Variants in MKNK1 observed in about 807,000 individuals in gnomAD.
MKNK1 encodes the protein MAPK interacting serine/threonine kinase 1, also known as MAP kinase-interacting serine/threonine-protein kinase 1.
In MKNK1, 30 loss-of-function variants were observed where a neutral mutation model predicts 49.3. That is an observed-to-expected ratio of 0.61 (90% CI 0.46 to 0.83). The LOEUF (loss-of-function observed/expected upper bound fraction) is 0.83. Among genes scored for constraint, MKNK1 ranks in the 40% least tolerant of loss-of-function variants. MKNK1 has a pLI of 0.00. For missense variants in MKNK1, 423 were observed against 524.7 expected (o/e 0.81, Z 1.89); for synonymous variants, 176 against 201.7 (o/e 0.87, Z 1.08).
chr1:46,573,193 C>T (rs142438870), intron 6 of MKNK1, among the ~76,000 whole-genome samples: 75 of 152,328 alleles, frequency 4.9e-4, no homozygotes, highest in African/African-American at 1.7e-3. Flanking sequence ...AGGACTTAGG[C>T]CCAGGGCGTC....
intron 7 of MKNK1, among the ~76,000 whole-genome samples, chr1:46,571,831 G>A (rs945874629): frequency 1.3e-5 from 2 of 152,136 alleles, no homozygotes; most frequent in African/African-American, 4.8e-5. Flanking sequence ...TCTTTCTCCT[G>A]TATCCCTGTG....
intron 1 of MKNK1, chr1:46,594,852 G>C (rs186434277): frequency 2.4e-6 from 1 of 418,114 alleles, no homozygotes; most frequent in Non-Finnish European, 4.7e-6. Context: ...AATTAGCCAG[G>C]CATGGTGGCA....
chr1:46,598,996 T>G (rs1674404887), intron 1 of MKNK1, among the ~76,000 whole-genome samples: 1 of 152,178 alleles, frequency 6.6e-6, no homozygotes, highest in Non-Finnish European at 1.5e-5. Flanking sequence ...GTCATGAGAA[T>G]TAAGTGAGCT....
chr1:46,559,193 G>A (rs555526410), intron 12 of MKNK1, among the ~76,000 whole-genome samples: 1 of 152,216 alleles, frequency 6.6e-6, no homozygotes, highest in Non-Finnish European at 1.5e-5. Context: ...CTTATGCCAC[G>A]TCCCCAGCAC....
At chr1:46,584,006 C>T (rs952767738) in intron 2 of MKNK1, among the ~76,000 whole-genome samples, 1 of 152,204 alleles carries the variant, frequency 6.6e-6, no homozygotes, top group African/African-American at 2.4e-5. Context: ...AGGTCTGTGC[C>T]AGGCTGCTGG....
chr1:46,578,913 C>T (rs541213873), intron 4 of MKNK1, among the ~76,000 whole-genome samples: 11 of 151,988 alleles, frequency 7.2e-5, no homozygotes, highest in Non-Finnish European at 1.3e-4. Context: ...GCACCACACC[C>T]GGCTAATATT....
At chr1:46,570,043 T>G (rs1669821155) in intron 7 of MKNK1, 1 of 152,242 alleles carries the variant, frequency 6.6e-6, no homozygotes, top group Admixed American at 6.5e-5. Context: ...GACCCATTCT[T>G]GCCCAATTCA....
chr1:46,562,623 G>A lies in MKNK1; in HGVS notation c.804+26C>T, dbSNP rs755328837. 3.3e-5 allele frequency: 51 copies of A among 1,546,748 alleles called. 1 individual carries two copies. In the Middle Eastern group the frequency reaches 6.4e-4, roughly 19 times the overall value. On this transcript the variant is annotated intron_variant, in intron 10 of 12. Coordinates refer to ENST00000371945, the MANE Select transcript of MKNK1 (RefSeq NM_001135553.4). ...CACACTGACCCCTAGCAGGGTCTAC[G>A]CAGTGCTCCCTGGGGCCGCACTCAC... is the stretch of plus-strand genomic sequence containing the variant.
intron 7 of MKNK1, chr1:46,570,405 G>T (rs1446346313): frequency 6.6e-6 from 1 of 152,270 alleles, no homozygotes; most frequent in Non-Finnish European, 1.5e-5. Context: ...TCATGCTGCG[G>T]AAGGTACAGA....
intron 7 of MKNK1, 139 bp from the exon 8 acceptor site, chr1:46,568,637 A>G: frequency 1.3e-6 from 1 of 782,366 alleles, no homozygotes; most frequent in South Asian, 1.7e-5. Context: ...AACGAGCTGC[A>G]GGAGGCAGAA....
In MKNK1 at chr1:46,561,464, C is replaced by T. The variant is rs1011072556; in HGVS notation, c.969+14G>A. On this transcript the variant is annotated intron_variant, in intron 11 of 12. Transcript: ENST00000371945. ...CTGAAGTGGTGGAAAACACCCCTCC[C>T]TGGAGTCACTCACCCCCTGCACCCA... The T allele has an allele frequency of 3.8e-6, 6 of 1,598,658 alleles. No homozygotes were observed. The highest frequency in any genetic ancestry group is 8.5e-7 in the Non-Finnish European group (1 of 1,170,664).
chr1:46,571,933 A>C (rs1670221768), intron 7 of MKNK1, 130 bp downstream of exon 7: 1 of 756,520 alleles, frequency 1.3e-6, no homozygotes, highest in African/African-American at 1.7e-5. Context: ...ATGGGTGAGC[A>C]TGTTCACACC....
chr1:46,596,070 G>A lies in MKNK1; in HGVS notation c.-170-1790C>T, dbSNP rs538085556. ...GCCTTGAGCTTCCATTCTGTCTTTA[G>A]TCTTGTCATAGGTTTAGACCCCCAC... On this transcript the variant is annotated intron_variant, in intron 1 of 12. Transcript: ENST00000371945. Among the ~76,000 whole-genome samples, 12 of 152,292 alleles carry A rather than the reference G, an allele frequency of 7.9e-5. No homozygotes were observed. The South Asian group carries it at 1.9e-3, about 24-fold the overall frequency.
chr1:46,565,858 T>C (rs958210139), intron 8 of MKNK1, among the ~76,000 whole-genome samples: 31 of 152,348 alleles, frequency 2.0e-4, no homozygotes, highest in Admixed American at 2.6e-4. Context: ...CTGAGACCCA[T>C]GTCCTTGCCG....
intron 1 of MKNK1, among the ~76,000 whole-genome samples, chr1:46,601,123 G>A (rs558319638): frequency 1.3e-5 from 2 of 152,140 alleles, no homozygotes; most frequent in East Asian, 3.9e-4. Context: ...CACCATGTTG[G>A]TCAGGCTGGT....
intron 1 of MKNK1, among the ~76,000 whole-genome samples, chr1:46,596,505 T>C (rs188305550): frequency 2.0e-5 from 3 of 152,336 alleles, no homozygotes; most frequent in Admixed American, 2.0e-4. Flanking sequence ...TGTGTTATTT[T>C]GCCACGTGGA....
intron 4 of MKNK1, 90 bp from the exon 5 acceptor site, chr1:46,576,744 C>A (rs371894567): frequency 3.7e-6 from 4 of 1,079,364 alleles, no homozygotes; most frequent in East Asian, 2.4e-5. Context: ...CAAGGCCACA[C>A]TCAGTCCAAA....
Position 46,561,577 on chromosome 1 carries a change from G to C in MKNK1, c.870C>G (p.Ile290Met). ...AGATGAGGTCTTTGGCTTCACTGGAGATGTGTGCCCAGTCCTTGTCAGGAA... is the reference window on the plus strand; with the variant it reads ...AGATGAGGTCTTTGGCTTCACTGGACATGTGTGCCCAGTCCTTGTCAGGAA... ...YEFPDKDWAH[I>M]SSEAKDLISK... The change falls in exon 11 of 13, where the codon ATC (isoleucine) becomes ATG (methionine). Residue 290 changes from isoleucine to methionine, a missense_variant. Physicochemically the swap from Ile to Met is conservative, Grantham distance 10. Transcript: ENST00000371945. The C allele has an allele frequency of 6.2e-7, 1 of 1,614,208 alleles. No individual in the cohort carries two copies. The highest frequency in any genetic ancestry group is 8.5e-7 in the Non-Finnish European group (1 of 1,180,026).
intron 4 of MKNK1, among the ~76,000 whole-genome samples, chr1:46,578,914 G>A (rs1055016684): frequency 8.6e-5 from 13 of 151,788 alleles, no homozygotes; most frequent in African/African-American, 2.7e-4. Flanking sequence ...CACCACACCC[G>A]GCTAATATTT....
Sources: allele counts gnomAD v4.1 joint callset (sites outside exome capture counted in the v4.1 genomes callset), GRCh38; gene constraint gnomAD v4.1.1; transcripts MANE v1.5; gene names NCBI Gene and HGNC (gene_info 2026-07-23, HGNC 2026-07-21).